The following CTNND2 variants were observed in gnomAD, a reference collection of about 807,000 sequenced individuals.
The protein encoded by CTNND2 is catenin delta 2.
A neutral mutation model predicts 144.4 loss-of-function variants in CTNND2; 22 were observed. The observed-to-expected ratio is 0.15, with a 90% CI of 0.11 to 0.22. The LOEUF (loss-of-function observed/expected upper bound fraction) is 0.22, where lower values mean the gene tolerates loss of function less well. Among genes scored for constraint, CTNND2 ranks in the 10% least tolerant of loss-of-function variants. The probability of loss-of-function intolerance (pLI) is 1.00; values close to 1 mark genes in which losing one functional copy is unlikely to be tolerated. For synonymous variants in CTNND2, 751 were observed against 695.6 expected (o/e 1.08, Z -1.25); for missense variants, 1,353 against 1,618.8 (o/e 0.84, Z 2.82).
intron 1 of CTNND2, among the ~76,000 whole-genome samples, chr5:11,857,991 A>G (rs1309572800): frequency 1.3e-5 from 2 of 152,168 alleles, no homozygotes; most frequent in Non-Finnish European, 2.9e-5. Context: ...CCTGTAGCTA[A>G]TCTGGTACTC....
At chr5:11,232,747 G>A (rs183086842) in intron 10 of CTNND2, among the ~76,000 whole-genome samples, 4 of 152,198 alleles carry the variant, frequency 2.6e-5, no homozygotes, top group African/African-American at 9.7e-5. Context: ...GGGAAAGCAT[G>A]ATTGCGTTTT....
At chr5:11,659,201 T>C (rs76675557) in intron 2 of CTNND2, among the ~76,000 whole-genome samples, 5,415 of 152,222 alleles carry the variant, frequency 0.036, 100 homozygotes, top group East Asian at 0.057. Flanking sequence ...ATTTTCATAG[T>C]ATTTACATTG....
At chr5:11,364,627 G>T in intron 8 of CTNND2, 69 bp downstream of exon 8, 1 of 1,292,990 alleles carries the variant, frequency 7.7e-7, no homozygotes, top group Non-Finnish European at 1.0e-6. Context: ...ATTTGGGAGT[G>T]TTATTGAAGC....
At chr5:11,703,380 G>A (rs899369671) in intron 2 of CTNND2, among the ~76,000 whole-genome samples, 1 of 152,120 alleles carries the variant, frequency 6.6e-6, no homozygotes, top group Non-Finnish European at 1.5e-5. Context: ...CTTACAGTCA[G>A]GATACATGCA....
intron 2 of CTNND2, among the ~76,000 whole-genome samples, chr5:11,716,736 G>A (rs1786374144): frequency 6.6e-6 from 1 of 151,832 alleles, no homozygotes. Context: ...ACCGAGGCTG[G>A]AGTGCAGTGG....
At chr5:11,175,794 A>C (rs1760427259) in intron 11 of CTNND2, among the ~76,000 whole-genome samples, 1 of 152,068 alleles carries the variant, frequency 6.6e-6, no homozygotes, top group Non-Finnish European at 1.5e-5. Flanking sequence ...CATTTTAAAT[A>C]CTGAGGTATA....
At position 11,239,885 on chromosome 5, in the gene CTNND2, G is replaced by A. The variant is rs17792875; in HGVS notation, c.1629-3062C>T. Among the ~76,000 whole-genome samples the A allele has an allele frequency of 7.3e-3, 1,105 of 152,300 alleles. 8 individuals are homozygous for A. The highest frequency in any genetic ancestry group is 0.012 in the Non-Finnish European group (833 of 68,024). On this transcript the variant is annotated intron_variant, in intron 9 of 21. Transcript: ENST00000304623. Reference sequence around the variant, plus strand: ...GTGGGCCATGAGGTGACCATCTCTCGCTTCACTCTGGTAGGCTCTGAGGCC... The same window carrying A: ...GTGGGCCATGAGGTGACCATCTCTCACTTCACTCTGGTAGGCTCTGAGGCC...
At chr5:11,858,606 T>A (rs866707938) in intron 1 of CTNND2, among the ~76,000 whole-genome samples, 4 of 152,196 alleles carry the variant, frequency 2.6e-5, no homozygotes, top group African/African-American at 9.6e-5. Flanking sequence ...ACTATCCACG[T>A]TTAATCAAAT....
At chr5:11,020,789 G>C (rs901663512) in intron 17 of CTNND2, among the ~76,000 whole-genome samples, 1 of 151,084 alleles carries the variant, frequency 6.6e-6, no homozygotes, top group African/African-American at 2.5e-5. Context: ...GACTAAGCAG[G>C]AGAACTGTAA....
intron 3 of CTNND2, among the ~76,000 whole-genome samples, chr5:11,428,227 C>A (rs1404028121): frequency 6.7e-6 from 1 of 150,060 alleles, no homozygotes; most frequent in East Asian, 1.9e-4. Context: ...TATCAACAAT[C>A]CCCGGTTCAA....
chr5:11,862,890 T>C (rs1371038762), intron 1 of CTNND2, among the ~76,000 whole-genome samples: 1 of 152,156 alleles, frequency 6.6e-6, no homozygotes, highest in African/African-American at 2.4e-5. Context: ...GTGAATATCA[T>C]TTGAATACAC....
At chr5:11,635,046 T>C (rs151164593) in intron 2 of CTNND2, among the ~76,000 whole-genome samples, 1 of 152,168 alleles carries the variant, frequency 6.6e-6, no homozygotes, top group East Asian at 1.9e-4. Flanking sequence ...GGACATCTGA[T>C]GTTAAGGCAA....
intron 3 of CTNND2, among the ~76,000 whole-genome samples, chr5:11,494,883 A>G (rs187059687): frequency 6.6e-5 from 10 of 152,268 alleles, no homozygotes; most frequent in Admixed American, 3.9e-4. Context: ...GATCACTTAT[A>G]CTTTCTGTTC....
chr5:11,203,320 G>C (rs1022033491), intron 10 of CTNND2, among the ~76,000 whole-genome samples: 2 of 152,056 alleles, frequency 1.3e-5, no homozygotes, highest in Admixed American at 1.3e-4. Context: ...CCCCCTAGTC[G>C]ATCACTCCAC....
At chr5:11,288,182 G>A (rs563910904) in intron 9 of CTNND2, among the ~76,000 whole-genome samples, 21 of 152,172 alleles carry the variant, frequency 1.4e-4, no homozygotes, top group African/African-American at 4.1e-4. Context: ...CATGGGAGAC[G>A]CCTGCTATAT....
At chr5:11,165,095 C>T (rs932433961) in intron 11 of CTNND2, among the ~76,000 whole-genome samples, 29 of 152,290 alleles carry the variant, frequency 1.9e-4, no homozygotes, top group African/African-American at 6.7e-4. Context: ...AAAATGACGT[C>T]ATGCCTAGAG....
intron 9 of CTNND2, among the ~76,000 whole-genome samples, chr5:11,292,514 G>A (rs757906527): frequency 2.3e-4 from 35 of 152,124 alleles, no homozygotes; most frequent in African/African-American, 7.0e-4. Context: ...GGTTTCTCCC[G>A]TGCTGTTCTC....
At chr5:11,265,492 C>G (rs1180224714) in intron 9 of CTNND2, among the ~76,000 whole-genome samples, 4 of 152,142 alleles carry the variant, frequency 2.6e-5, no homozygotes, top group African/African-American at 9.7e-5. Flanking sequence ...CTCCACACTG[C>G]AGACGGGCCT....
chr5:11,726,015 C>T (rs1786998346), intron 2 of CTNND2, among the ~76,000 whole-genome samples: 1 of 152,154 alleles, frequency 6.6e-6, no homozygotes, highest in Non-Finnish European at 1.5e-5. Flanking sequence ...GGAGCCCCTG[C>T]TTTGTTGGCC....
Sources: allele counts gnomAD v4.1 joint callset (sites outside exome capture counted in the v4.1 genomes callset), GRCh38; gene constraint gnomAD v4.1.1; transcripts MANE v1.5; gene names NCBI Gene and HGNC (gene_info 2026-07-23, HGNC 2026-07-21).